Variants in HMCN2 observed in about 807,000 individuals in gnomAD.
HMCN2 encodes the protein hemicentin-2.
HMCN2 carries 325 observed loss-of-function variants against 377.5 expected under a neutral mutation model. The ratio of observed to expected loss-of-function variants is 0.86; its 90% CI spans 0.79 to 0.94. HMCN2 has a LOEUF of 0.94. Ranked by LOEUF, HMCN2 falls within the 40% of genes least tolerant of loss-of-function variation. HMCN2 has a pLI of 0.00. For synonymous variants in HMCN2, 2,007 were observed against 2,046.8 expected, an observed-to-expected ratio of 0.98 and a Z score of 0.53; for missense variants, 4,543 against 4,725.3, an observed-to-expected ratio of 0.96 and a Z score of 1.13.
chr9:130,322,386 C>T (rs1837906598), intron 19 of HMCN2, among the ~76,000 whole-genome samples: 1 of 151,968 alleles, frequency 6.6e-6, no homozygotes, highest in South Asian at 2.1e-4. Flanking sequence ...ATCTATCTAT[C>T]CATCTAATCT....
intron 41 of HMCN2, 37 bp downstream of exon 41, chr9:130,364,926 C>G (rs1840611145): frequency 1.0e-6 from 1 of 984,444 alleles, no homozygotes; most frequent in East Asian, 1.1e-4. Flanking sequence ...AGGCCTCCAC[C>G]TCGGCCCAAG....
chr9:130,334,032 A>G (rs1838575724), intron 22 of HMCN2, among the ~76,000 whole-genome samples: 1 of 152,140 alleles, frequency 6.6e-6, no homozygotes, highest in South Asian at 2.1e-4. Flanking sequence ...GGATGGACCT[A>G]CCAGCCTGGG....
intron 85 of HMCN2, among the ~76,000 whole-genome samples, chr9:130,415,675 C>T (rs1027034444): frequency 5.3e-5 from 8 of 152,304 alleles, no homozygotes; most frequent in African/African-American, 1.7e-4. Flanking sequence ...TCAAGTTGGC[C>T]TCGGTTTACT....
intron 4 of HMCN2, among the ~76,000 whole-genome samples, chr9:130,289,168 G>T (rs2131292914): frequency 6.6e-6 from 1 of 152,248 alleles, no homozygotes; most frequent in East Asian, 1.9e-4. Context: ...TGGGCATCTT[G>T]CTCTCCTCTG....
intron 83 of HMCN2, 98 bp from the exon 84 acceptor site, chr9:130,408,635 TCTGGAGGCCC>T: frequency 1.5e-6 from 1 of 676,016 alleles, no homozygotes; most frequent in Non-Finnish European, 2.1e-6. Flanking sequence ...AGCAGAAGCC[TCTGGAGGCCC>T]CTGGAGGCAG....
intron 1 of HMCN2, among the ~76,000 whole-genome samples, chr9:130,270,059 C>T (rs1834333613): frequency 6.8e-6 from 1 of 148,054 alleles, no homozygotes; most frequent in Non-Finnish European, 1.5e-5. Context: ...GATCCACTCA[C>T]CTCAGCCTCC....
intron 25 of HMCN2, among the ~76,000 whole-genome samples, chr9:130,346,701 A>G (rs1458021726): frequency 1.3e-5 from 2 of 152,122 alleles, no homozygotes; most frequent in Non-Finnish European, 2.9e-5. Flanking sequence ...TGGCGGTGGC[A>G]GCAGGGAAAA....
At chr9:130,300,536 T>C (rs996440559) in intron 8 of HMCN2, among the ~76,000 whole-genome samples, 2 of 152,206 alleles carry the variant, frequency 1.3e-5, no homozygotes, top group East Asian at 1.9e-4. Context: ...ACTTCATAGA[T>C]AAGGAAACTG....
chr9:130,379,044 C>G (rs1291258420), intron 53 of HMCN2, among the ~76,000 whole-genome samples: 2 of 152,152 alleles, frequency 1.3e-5, no homozygotes, highest in African/African-American at 4.8e-5. Context: ...AGGGAATGAG[C>G]CTTATCCTAG....
rs1169164017 is a variant in HMCN2 at position 130,433,666 on chromosome 9, C to T, written c.15213C>T (p.Leu5071=). The change falls in exon 98 of 98, where the codon CTC becomes CTT. Residue 5071 remains leucine, a synonymous_variant. Transcript: ENST00000683500. ...APRHQSVFVL[L]IAVSPYPY ...GCCACCAAAGCGTCTTCGTCTTGCT[C>T]ATCGCCGTGTCCCCCTACCCCTACT... The T allele has an allele frequency of 2.0e-6, 3 of 1,512,236 alleles. No individual in the cohort carries two copies. Among genetic ancestry groups the T allele is most frequent in the Non-Finnish European group, 2.7e-6 (3 of 1,131,804 alleles). The allele number at this position is 1,512,236 out of a possible 1,614,324, so 93.7% of individuals were successfully genotyped here.
At chr9:130,381,568 C>T (rs565660311) in intron 54 of HMCN2, among the ~76,000 whole-genome samples, 2 of 152,258 alleles carry the variant, frequency 1.3e-5, no homozygotes, top group South Asian at 2.1e-4. Context: ...GGGGTTTCGC[C>T]GTGTTGGCCA....
intron 44 of HMCN2, among the ~76,000 whole-genome samples, chr9:130,368,706 G>A (rs950759634): frequency 2.6e-5 from 4 of 152,114 alleles, no homozygotes; most frequent in Non-Finnish European, 5.9e-5. Flanking sequence ...GGAAGATGAA[G>A]GGGAAGCAAG....
Position 130,369,126 on chromosome 9 carries a change from A to G in HMCN2, c.6788-444A>G, listed in dbSNP as rs1003950615. ...TGTGAAGCTCCTATATATGATGGAA[A>G]CCTAAAGCCCTATCTACTGGTCCTG... On this transcript the variant is annotated intron_variant, in intron 44 of 97. Coordinates refer to ENST00000683500, the MANE Select transcript of HMCN2 (RefSeq NM_001291815.2). The surrounding 1 kb of genome is among the most constrained non-coding windows in gnomAD (Gnocchi z 4.5). Among the ~76,000 whole-genome samples, 3 of 152,106 alleles carry G rather than the reference A, an allele frequency of 2.0e-5. No individual in the cohort carries two copies. The highest frequency in any genetic ancestry group is 4.4e-5 in the Non-Finnish European group (3 of 68,028).
intron 95 of HMCN2, 71 bp downstream of exon 95, chr9:130,430,675 A>T: frequency 2.2e-6 from 3 of 1,383,992 alleles, no homozygotes; most frequent in Non-Finnish European, 2.9e-6. Context: ...GTGGGTGTGC[A>T]GGTGTCACCC....
At chr9:130,283,267 TAA>T (rs1194514595) in intron 1 of HMCN2, among the ~76,000 whole-genome samples, 77 of 149,768 alleles carry the variant, frequency 5.1e-4, no homozygotes, top group African/African-American at 1.8e-3. Flanking sequence ...TGCTATTTTT[TAA>T]AAAAAAAAAA....
intron 66 of HMCN2, among the ~76,000 whole-genome samples, chr9:130,392,522 G>T (rs1842370460): frequency 6.6e-6 from 1 of 152,204 alleles, no homozygotes; most frequent in Non-Finnish European, 1.5e-5. Context: ...GATGACTCCA[G>T]TGAGCTCTGA....
rs1237846702 is a variant in HMCN2 at position 130,434,106 on chromosome 9, G to A, written c.*413G>A. 1.2e-5 allele frequency: 2 copies of A among 168,936 alleles called. No individual in the cohort carries two copies. Among genetic ancestry groups the A allele is most frequent in the African/African-American group, 4.7e-5 (2 of 42,172 alleles). The allele number at this position is 168,936 out of a possible 1,614,324, so 10.5% of individuals were successfully genotyped here. A position where few individuals can be genotyped will look rare whatever the true frequency, so the allele number is the denominator to read the frequency against. On this transcript the variant is annotated 3_prime_UTR_variant, in exon 98 of 98. Coordinates refer to ENST00000683500, the MANE Select transcript of HMCN2 (RefSeq NM_001291815.2). ...TTCTGAACCCTGTTGCAATATAAAG[G>A]GATTTTTTTTTAACCAACTTGGTTT...
Position 130,425,736 on chromosome 9 carries a change from G to A in HMCN2, c.13691G>A (p.Gly4564Asp), listed in dbSNP as rs188908221. 15 of 1,550,326 alleles carry A rather than the reference G, an allele frequency of 9.7e-6. No individual in the cohort carries two copies. In the South Asian group the frequency reaches 1.4e-4, roughly 15 times the overall value. ...VQTGPGQLFV[G>D]STQRFFQGGL... ...ACAGGGCCTGGCCAGCTGTTCGTGGGCTCCACACAGCGCTTCTTCCAGGGC... is the reference window on the plus strand; with the variant it reads ...ACAGGGCCTGGCCAGCTGTTCGTGGACTCCACACAGCGCTTCTTCCAGGGC... The change falls in exon 90 of 98, where the codon GGC becomes GAC. Residue 4564 changes from glycine (G) to aspartate (D), a missense_variant. Transcript: ENST00000683500.
intron 4 of HMCN2, among the ~76,000 whole-genome samples, chr9:130,289,823 C>T (rs528757756): frequency 1.3e-5 from 2 of 152,302 alleles, no homozygotes; most frequent in South Asian, 2.1e-4. Context: ...AGGGTTCTCT[C>T]TCTGTCACTT....
Sources: gnomAD v4.1 joint callset for allele counts (sites outside exome capture counted in the v4.1 genomes callset) on GRCh38, gnomAD v4.1.1 for gene constraint, Gnocchi (gnomAD v3.1) non-coding constraint, MANE v1.5 for transcripts, NCBI Gene and HGNC (gene_info 2026-07-23, HGNC 2026-07-21) for gene names.